The following WDR89 variants were observed in gnomAD, a reference collection of about 807,000 sequenced individuals.
WDR89 encodes WD repeat domain 89, also known as WD repeat-containing protein 89.
A neutral mutation model predicts 29.1 loss-of-function variants in WDR89; 17 were observed. The ratio of observed to expected loss-of-function variants is 0.58; its 90% CI spans 0.40 to 0.88. The LOEUF (loss-of-function observed/expected upper bound fraction) is 0.88. Ranked by LOEUF, WDR89 falls within the 40% of genes least tolerant of loss-of-function variation. The probability of loss-of-function intolerance (pLI) is 0.00; values close to 1 mark genes in which losing one functional copy is unlikely to be tolerated. For synonymous variants in WDR89, 138 were observed against 157.8 expected (o/e 0.87, Z 0.94); for missense variants, 396 against 456.3 (o/e 0.87, Z 1.20).
chr14:63,624,717 A>G (rs1409120235), intron 2 of WDR89, among the ~76,000 whole-genome samples: 3 of 152,212 alleles, frequency 2.0e-5, no homozygotes, highest in African/African-American at 7.2e-5. Context: ...GAGGAGCCCA[A>G]TAATATTAGT....
chr14:63,631,114 C>T (rs970566330), intron 1 of WDR89, among the ~76,000 whole-genome samples: 2 of 152,136 alleles, frequency 1.3e-5, no homozygotes, highest in African/African-American at 4.8e-5. Flanking sequence ...CATGTTCTCA[C>T]CACAAAGTGA....
intron 1 of WDR89, among the ~76,000 whole-genome samples, chr14:63,633,222 T>C (rs577117288): frequency 1.1e-4 from 17 of 152,226 alleles, no homozygotes; most frequent in African/African-American, 4.1e-4. Context: ...ACCCCTTTTA[T>C]GTATAAATAT....
intron 2 of WDR89, among the ~76,000 whole-genome samples, chr14:63,610,643 C>T (rs1357812290): frequency 1.3e-5 from 2 of 151,514 alleles, no homozygotes; most frequent in East Asian, 1.9e-4. Context: ...TCCCCACAGT[C>T]TAATCATGAG....
At chr14:63,625,681 C>T (rs1270253400) in intron 1 of WDR89, among the ~76,000 whole-genome samples, 1 of 152,046 alleles carries the variant, frequency 6.6e-6, no homozygotes, top group African/African-American at 2.4e-5. Flanking sequence ...CAGATGTCTT[C>T]TGTTTGTAAA....
Position 63,599,009 on chromosome 14 carries a change from G to A in WDR89, c.934C>T (p.His312Tyr). The change falls in exon 3 of 3, where the codon CAT (histidine) becomes TAT (tyrosine). Residue 312 changes from histidine to tyrosine, a missense_variant. His to Tyr is a moderately conservative substitution (Grantham distance 83). Coordinates refer to ENST00000620954, the MANE Select transcript of WDR89 (RefSeq NM_080666.4). ...TGCCCTCCCTGAAGGCTAGTCACAT[G>A]GGTCAGTCCTGACATGCTGCAGTTC... ...LMNCSMSGLT[H>Y]VTSLQGGHAA... The A allele has an allele frequency of 6.2e-7, 1 of 1,614,158 alleles. No homozygotes were observed. The highest frequency in any genetic ancestry group is 8.5e-7 in the Non-Finnish European group (1 of 1,180,028).
intron 1 of WDR89, among the ~76,000 whole-genome samples, chr14:63,626,676 C>CAAAAAAAAAAA (rs35582220): frequency 5.8e-5 from 2 of 34,588 alleles, no homozygotes; most frequent in African/African-American, 7.7e-5. Flanking sequence ...GAGACTGTCT[C>CAAAAAAAAAAA]AAAAAAAAAA....
chr14:63,617,875 G>C (rs1882418943), intron 2 of WDR89, among the ~76,000 whole-genome samples: 1 of 151,974 alleles, frequency 6.6e-6, no homozygotes, highest in Admixed American at 6.6e-5. Context: ...GACACAAAAA[G>C]GTACTACAGG....
At chr14:63,640,295 T>A (rs1018277878) in intron 1 of WDR89, among the ~76,000 whole-genome samples, 9 of 152,180 alleles carry the variant, frequency 5.9e-5, no homozygotes, top group African/African-American at 2.2e-4. Context: ...ATATTTTGTA[T>A]CTATTAAATT....
At chr14:63,628,563 A>G (rs1394772750) in intron 1 of WDR89, among the ~76,000 whole-genome samples, 1 of 152,238 alleles carries the variant, frequency 6.6e-6, no homozygotes, top group African/African-American at 2.4e-5. Context: ...GAGATGTAAC[A>G]TTTGGGGAGA....
chr14:63,630,847 G>A (rs1458212775), intron 1 of WDR89: 4 of 150,102 alleles, frequency 2.7e-5, no homozygotes, highest in Non-Finnish European at 5.9e-5. Context: ...AGGATGCAGT[G>A]TAGTGGCACA....
At position 63,599,051 on chromosome 14, in the gene WDR89, CTTTG is replaced by C. The variant is rs747579717; in HGVS notation, c.888_891del (p.Asn296LysfsTer6). The C allele has an allele frequency of 2.5e-6, 4 of 1,613,862 alleles. No homozygotes were observed. The highest frequency in any genetic ancestry group is 1.3e-5 in the African/African-American group (1 of 75,026). On this transcript the variant is annotated frameshift_variant, in exon 3 of 3. Transcript: ENST00000620954. LOFTEE classifies it high-confidence loss of function. ...CTGCAGTTCATCAAATGAATCCTTCCTTTGTTTGTTCCTCCAATAACATGCAATG... is the reference window on the plus strand; with the variant it reads ...CTGCAGTTCATCAAATGAATCCTTCCTTTGTTCCTCCAATAACATGCAATG...
chr14:63,629,334 T>C (rs1019061392), intron 1 of WDR89, among the ~76,000 whole-genome samples: 2 of 152,256 alleles, frequency 1.3e-5, no homozygotes, highest in East Asian at 3.8e-4. Flanking sequence ...CTTTATTCTC[T>C]TTCTGAAGCT....
intron 2 of WDR89, chr14:63,601,915 ATAAAC>A: frequency 2.0e-6 from 1 of 489,766 alleles, no homozygotes; most frequent in South Asian, 3.0e-5. Flanking sequence ...CTCTTTTATA[ATAAAC>A]TAAATAACTA....
At chr14:63,606,146 C>A (rs1043251001) in intron 2 of WDR89, among the ~76,000 whole-genome samples, 1 of 152,132 alleles carries the variant, frequency 6.6e-6, no homozygotes, top group Non-Finnish European at 1.5e-5. Context: ...CAGGGTCTCA[C>A]TATTTTGACC....
At chr14:63,614,076 T>C (rs1882157435) in intron 2 of WDR89, among the ~76,000 whole-genome samples, 1 of 152,106 alleles carries the variant, frequency 6.6e-6, no homozygotes, top group Non-Finnish European at 1.5e-5. Context: ...GGCATTCTTA[T>C]TCCAGAGCCC....
In WDR89 at chr14:63,599,297, T is replaced by C. The variant is rs138997693; in HGVS notation, c.646A>G (p.Ile216Val). ...CAACCAATACAGCTTACTGATGAAA[T>C]TGAGTTACAGGTTGTAACCAGTGCA... ...EDALVTTCNS[I>V]SSVSCIGWSG... Residue 216 changes from isoleucine (I) to valine (V), a missense_variant, in exon 3 of 3, where the codon ATT becomes GTT. By Grantham distance (29) the Ile-to-Val change is conservative. Transcript: ENST00000620954. The C allele has an allele frequency of 7.5e-5, 121 of 1,613,846 alleles. No individual in the cohort carries two copies. The highest frequency in any genetic ancestry group is 2.1e-4 in the African/African-American group (16 of 74,924).
chr14:63,611,546 T>C (rs1474717223), intron 2 of WDR89, among the ~76,000 whole-genome samples: 1 of 151,894 alleles, frequency 6.6e-6, no homozygotes, highest in Non-Finnish European at 1.5e-5. Context: ...ATTATTCCAA[T>C]GTTAATTTCT....
chr14:63,625,214 T>C (rs760132728), intron 1 of WDR89, among the ~76,000 whole-genome samples, 181 bp from the exon 2 acceptor site: 1 of 152,188 alleles, frequency 6.6e-6, no homozygotes, highest in Non-Finnish European at 1.5e-5. Context: ...TAAAAGCGTA[T>C]ATATTGTATG....
rs759059417 is a variant in WDR89, at chr14:63,598,614, G to A, written c.*165C>T. 5.3e-5 allele frequency: 29 copies of A among 544,430 alleles called. No individual in the cohort carries two copies. Among genetic ancestry groups the A allele is most frequent in the Non-Finnish European group, 8.0e-5 (28 of 349,460 alleles). The allele number at this position is 544,430 out of a possible 1,614,324, so 33.7% of individuals were successfully genotyped here. A position where few individuals can be genotyped will look rare whatever the true frequency, so the allele number is the denominator to read the frequency against. On this transcript the variant is annotated 3_prime_UTR_variant, in exon 3 of 3. Transcript: ENST00000620954. ...TACTTAGAGGCTTTAAAATTTTTTA[G>A]AATATGTGAAGACCGGAATTAAACC...
Sources: gnomAD v4.1 joint callset for allele counts (sites outside exome capture counted in the v4.1 genomes callset) on GRCh38, gnomAD v4.1.1 for gene constraint, MANE v1.5 for transcripts, NCBI Gene and HGNC (gene_info 2026-07-23, HGNC 2026-07-21) for gene names.